Variants in MSRA observed in about 807,000 individuals in gnomAD.
MSRA encodes methionine sulfoxide reductase A, also known as mitochondrial peptide methionine sulfoxide reductase.
MSRA carries 54 observed loss-of-function variants against 31.3 expected under a neutral mutation model. The ratio of observed to expected loss-of-function variants is 1.73; its 90% confidence interval spans 1.39 to 2.17. The LOEUF is 2.17. MSRA is among the 30% of genes most tolerant of loss of function. MSRA has a pLI of 0.00. For missense variants in MSRA, 507 were observed against 300.9 expected (o/e 1.69, Z -5.07); for synonymous variants, 169 against 116.5 (o/e 1.45, Z -2.90).
intron 2 of MSRA, among the ~76,000 whole-genome samples, chr8:10,240,751 A>T (rs1176289781): frequency 6.6e-6 from 1 of 151,738 alleles, no homozygotes; most frequent in Non-Finnish European, 1.5e-5. Context: ...TTTCCTGGCC[A>T]CTCTAGAGTA....
intron 3 of MSRA, among the ~76,000 whole-genome samples, chr8:10,293,255 A>G (rs1050752031): frequency 3.3e-5 from 5 of 152,110 alleles, no homozygotes; most frequent in Non-Finnish European, 7.4e-5. Context: ...TGGGCCAGCT[A>G]AGCAGCTCCC....
intron 3 of MSRA, among the ~76,000 whole-genome samples, chr8:10,277,159 A>G (rs1021677233): frequency 1.1e-4 from 17 of 152,368 alleles, no homozygotes; most frequent in Non-Finnish European, 2.2e-4. Flanking sequence ...TTTAAGCTCA[A>G]TGACATTATT....
intron 1 of MSRA, among the ~76,000 whole-genome samples, chr8:10,067,738 G>A (rs1053043372): frequency 2.0e-4 from 31 of 152,046 alleles, no homozygotes; most frequent in African/African-American, 7.5e-4. Flanking sequence ...GGATCTCATT[G>A]TTTTAATTTG....
At chr8:10,283,828 T>TACACAC (rs1289199754) in intron 3 of MSRA, among the ~76,000 whole-genome samples, 78 of 68,550 alleles carry the variant, frequency 1.1e-3, no homozygotes, top group African/African-American at 3.8e-3. Context: ...TATATATATA[T>TACACAC]ATATATATAC....
intron 5 of MSRA, among the ~76,000 whole-genome samples, chr8:10,345,062 T>C (rs1803684897): frequency 6.6e-6 from 1 of 151,982 alleles, no homozygotes; most frequent in Admixed American, 6.6e-5. Flanking sequence ...CCATGGTCTT[T>C]CCCCCTCAAG....
chr8:10,252,486 C>T (rs548072086), intron 3 of MSRA, among the ~76,000 whole-genome samples: 2 of 152,274 alleles, frequency 1.3e-5, no homozygotes, highest in South Asian at 2.1e-4. Context: ...GCTTTAAGTC[C>T]TGTCTGCGAT....
chr8:10,151,224 T>G (rs1038428648), intron 1 of MSRA, among the ~76,000 whole-genome samples: 3 of 140,584 alleles, frequency 2.1e-5, no homozygotes, highest in African/African-American at 8.2e-5. Flanking sequence ...ACTGCACCAC[T>G]GCATTCCAGC....
chr8:10,110,834 G>A (rs572659776), intron 1 of MSRA, among the ~76,000 whole-genome samples: 3 of 152,202 alleles, frequency 2.0e-5, no homozygotes, highest in African/African-American at 4.8e-5. Context: ...ATCTAATTTC[G>A]ACACGTGGCA....
At chr8:10,344,360 G>T (rs1018950602) in intron 5 of MSRA, among the ~76,000 whole-genome samples, 1 of 151,582 alleles carries the variant, frequency 6.6e-6, no homozygotes, top group African/African-American at 2.4e-5. Flanking sequence ...TGGATCACAA[G>T]GTCAGGAGTT....
intron 5 of MSRA, among the ~76,000 whole-genome samples, chr8:10,388,170 G>A (rs1319846561): frequency 6.6e-6 from 1 of 152,292 alleles, no homozygotes; most frequent in African/African-American, 2.4e-5. Context: ...TGGAATTTGG[G>A]CTTCAATACC....
chr8:10,203,937 A>C (rs1711746812), intron 1 of MSRA, among the ~76,000 whole-genome samples: 1 of 152,228 alleles, frequency 6.6e-6, no homozygotes, highest in African/African-American at 2.4e-5. Flanking sequence ...TTTGTGTCTT[A>C]GTTTTCAACA....
intron 4 of MSRA, among the ~76,000 whole-genome samples, chr8:10,301,856 GTCAGGGGTGGGAAAATTC>G (rs1378597665): frequency 6.6e-6 from 1 of 152,136 alleles, no homozygotes; most frequent in Non-Finnish European, 1.5e-5. Context: ...CCTTACAGCT[GTCAGGGGTGGGAAAATTC>G]CCACAGAGGA....
At chr8:10,189,696 G>T (rs1807349310) in intron 1 of MSRA, among the ~76,000 whole-genome samples, 1 of 151,846 alleles carries the variant, frequency 6.6e-6, no homozygotes. Flanking sequence ...ATCCCACTTG[G>T]CCATGATTGT....
chr8:10,178,200 A>T (rs1806222536), intron 1 of MSRA, among the ~76,000 whole-genome samples: 1 of 152,176 alleles, frequency 6.6e-6, no homozygotes, highest in Non-Finnish European at 1.5e-5. Flanking sequence ...AGAGTGTGAA[A>T]ATCAGGAGAC....
At position 10,271,076 on chromosome 8, in the gene MSRA, T is replaced by TG. The variant is rs1279996086; in HGVS notation, c.331+25853_331+25854insG. On this transcript the variant is annotated intron_variant, in intron 3 of 5. Transcript: ENST00000317173. Reference sequence around the variant, plus strand: ...TTGAGTTCTTTCTTCTTTTTTTTTTTTTTAATATTCCATAGAAGAAAAATA... The same window carrying TG: ...TTGAGTTCTTTCTTCTTTTTTTTTTTGTTTAATATTCCATAGAAGAAAAATA... Among the ~76,000 whole-genome samples the TG allele has an allele frequency of 2.0e-5, 3 of 152,150 alleles. No homozygotes were observed. The East Asian group carries it at 5.8e-4, about 29-fold the overall frequency.
At chr8:10,099,858 C>A (rs1799419090) in intron 1 of MSRA, among the ~76,000 whole-genome samples, 2 of 152,206 alleles carry the variant, frequency 1.3e-5, no homozygotes, top group Admixed American at 6.5e-5. Flanking sequence ...TCTTGCATTC[C>A]CTCTGTCCTC....
At chr8:10,266,607 GT>G (rs879628309) in intron 3 of MSRA, among the ~76,000 whole-genome samples, 2,659 of 146,290 alleles carry the variant, frequency 0.018, 80 homozygotes, top group African/African-American at 0.059. Flanking sequence ...CAGTCTATCG[GT>G]TTTTTTTTTT....
chr8:10,125,615 A>T (rs957328614), intron 1 of MSRA, among the ~76,000 whole-genome samples: 2 of 152,206 alleles, frequency 1.3e-5, no homozygotes, highest in African/African-American at 4.8e-5. Context: ...TCCTGCAGGT[A>T]TAGCGGGAAC....
At chr8:10,384,453 G>A (rs1585642369) in intron 5 of MSRA, among the ~76,000 whole-genome samples, 1 of 152,244 alleles carries the variant, frequency 6.6e-6, no homozygotes, top group Non-Finnish European at 1.5e-5. Context: ...AGGATGGCAG[G>A]ATGTCTTTCT....
Sources: gnomAD v4.1 joint callset for allele counts (sites outside exome capture counted in the v4.1 genomes callset) on GRCh38, gnomAD v4.1.1 for gene constraint, MANE v1.5 for transcripts, NCBI Gene and HGNC (gene_info 2026-07-23, HGNC 2026-07-21) for gene names.